Variants in MRC1 observed in about 807,000 individuals in gnomAD.
The protein encoded by MRC1 is macrophage mannose receptor 1.
A neutral mutation model predicts 102.9 loss-of-function variants in MRC1; 62 were observed. The observed-to-expected ratio is 0.60, with a 90% CI of 0.49 to 0.74. MRC1 has a LOEUF of 0.74. Ranked by LOEUF, MRC1 falls within the 30% of genes least tolerant of loss-of-function variation. The pLI is 0.00. For missense variants in MRC1, 1,237 were observed against 862.8 expected (o/e 1.43, Z -5.43); for synonymous variants, 457 against 298.4 (o/e 1.53, Z -5.48).
intron 2 of MRC1, among the ~76,000 whole-genome samples, chr10:17,825,978 G>C (rs1004920649): frequency 6.6e-6 from 1 of 151,988 alleles, no homozygotes; most frequent in Non-Finnish European, 1.5e-5. Context: ...AGCTGGAATC[G>C]CATTTTAAAG....
intron 22 of MRC1, among the ~76,000 whole-genome samples, chr10:17,888,266 G>T (rs953710694): frequency 6.6e-6 from 1 of 152,176 alleles, no homozygotes; most frequent in African/African-American, 2.4e-5. Context: ...ATAATGGGGG[G>T]TAAAAATAGT....
At chr10:17,876,545 G>C (rs1332582318) in intron 17 of MRC1, among the ~76,000 whole-genome samples, 3 of 152,158 alleles carry the variant, frequency 2.0e-5, no homozygotes, top group Non-Finnish European at 4.4e-5. Flanking sequence ...ACTGTGCCCA[G>C]TCTCAGAACC....
rs551080316 is a variant in MRC1, at chr10:17,909,486, A to G, written c.4120+139A>G. 1.3e-4 allele frequency: 84 copies of G among 667,178 alleles called. No homozygotes were observed. In the African/African-American group the frequency reaches 1.4e-3, roughly 11 times the overall value. The allele number at this position is 667,178 out of a possible 1,614,324, so 41.3% of individuals were successfully genotyped here. A position where few individuals can be genotyped will look rare whatever the true frequency, so the allele number is the denominator to read the frequency against. ...TTAAGCTAAACTATCCTTTGTCATCAGCCTACTTTGAATAATACTTTAGAA... is the reference window on the plus strand; with the variant it reads ...TTAAGCTAAACTATCCTTTGTCATCGGCCTACTTTGAATAATACTTTAGAA... On this transcript the variant is annotated intron_variant, in intron 29 of 29. Coordinates refer to ENST00000569591, the MANE Select transcript of MRC1 (RefSeq NM_002438.4).
In MRC1 at chr10:17,899,108, CAA is replaced by C. The variant is rs1303232562; in HGVS notation, c.3483+852_3483+853del. Among the ~76,000 whole-genome samples the C allele has an allele frequency of 5.7e-5, 8 of 141,562 alleles. No individual in the cohort carries two copies. In the South Asian group the frequency reaches 1.3e-3, roughly 24 times the overall value. 92.9% of individuals were successfully genotyped at this position (141,562 alleles called of 152,430 possible). ...ACATAAGGAAGGAATATCAAGAAGA[CAA>C]AAAAAAAAAGGAGATAAACTGGAGA... On this transcript the variant is annotated intron_variant, in intron 24 of 29. Coordinates refer to ENST00000569591, the MANE Select transcript of MRC1 (RefSeq NM_002438.4).
At chr10:17,892,450 C>G (rs1564625108) in intron 22 of MRC1, among the ~76,000 whole-genome samples, 1 of 152,134 alleles carries the variant, frequency 6.6e-6, no homozygotes, top group South Asian at 2.1e-4. Context: ...TCCATCAGTC[C>G]GTTTCTCCAA....
intron 22 of MRC1, among the ~76,000 whole-genome samples, chr10:17,889,236 A>G (rs962406462): frequency 1.3e-5 from 2 of 152,200 alleles, no homozygotes; most frequent in Non-Finnish European, 2.9e-5. Flanking sequence ...ATTAACATTT[A>G]AAATGATTGT....
chr10:17,870,626 C>T (rs1040366869), intron 13 of MRC1, among the ~76,000 whole-genome samples: 8,479 of 152,120 alleles, frequency 0.056, 331 homozygotes, highest in Non-Finnish European at 0.075. Context: ...CAATACGATA[C>T]CATTATTTAC....
intron 28 of MRC1, among the ~76,000 whole-genome samples, chr10:17,909,002 C>T (rs1833933315): frequency 1.3e-5 from 2 of 152,180 alleles, no homozygotes. Context: ...GTATCAGTGG[C>T]TCAAATGTAA....
At chr10:17,852,921 G>T (rs986749624) in intron 7 of MRC1, 46 bp from the exon 8 acceptor site, 5 of 780,624 alleles carry the variant, frequency 6.4e-6, no homozygotes, top group Admixed American at 1.7e-5. Context: ...CCCGACCTTT[G>T]GAAAGCAACC....
intron 29 of MRC1, 105 bp from the exon 30 acceptor site, chr10:17,910,110 G>C: frequency 1.3e-6 from 1 of 760,154 alleles, no homozygotes; most frequent in South Asian, 1.4e-5. Flanking sequence ...AATGTCGCTT[G>C]AAAGAATATT....
At chr10:17,864,034 A>T (rs1833225829) in intron 11 of MRC1, among the ~76,000 whole-genome samples, 2 of 151,458 alleles carry the variant, frequency 1.3e-5, no homozygotes, top group African/African-American at 4.9e-5. Context: ...ACAGAGCCTC[A>T]CTCGGTTGCC....
chr10:17,857,438 ATC>A (rs1272168178), intron 9 of MRC1, among the ~76,000 whole-genome samples: 6 of 152,188 alleles, frequency 3.9e-5, no homozygotes. Context: ...CTTTTAATCA[ATC>A]TGTTTTATTT....
At chr10:17,852,020 G>A (rs1020445470) in intron 7 of MRC1, among the ~76,000 whole-genome samples, 13 of 152,146 alleles carry the variant, frequency 8.5e-5, no homozygotes, top group Non-Finnish European at 1.5e-4. Context: ...CATTCATGAT[G>A]GGACTCCCAG....
chr10:17,901,001 A>G lies in MRC1; in HGVS notation c.3649+48A>G, dbSNP rs1308436846. On this transcript the variant is annotated intron_variant, in intron 25 of 29. Transcript: ENST00000569591. ...TCAGGGGATCTGAAAATTTCTGAAT[A>G]AGCTACTACATACCACTGTTGATAT... 4 of 766,176 alleles carry G rather than the reference A, an allele frequency of 5.2e-6. No individual in the cohort carries two copies. The Admixed American group carries it at 6.9e-5, about 13-fold the overall frequency. The allele number at this position is 766,176 out of a possible 1,614,324, so 47.5% of individuals were successfully genotyped here.
intron 12 of MRC1, 22 bp downstream of exon 12, chr10:17,866,783 G>T (rs1050171833): frequency 5.1e-6 from 4 of 780,684 alleles, no homozygotes; most frequent in Middle Eastern, 2.3e-4. Flanking sequence ...TTATAAAGCT[G>T]GTAAGAGAAT....
intron 26 of MRC1, among the ~76,000 whole-genome samples, chr10:17,905,971 A>T (rs965771868): frequency 6.6e-6 from 1 of 152,212 alleles, no homozygotes; most frequent in South Asian, 2.1e-4. Flanking sequence ...AAAAGATATT[A>T]GTTATTATTA....
In MRC1 at chr10:17,827,552, G is replaced by A. The variant is rs572161669; in HGVS notation, c.474G>A (p.Thr158=). Residue 158 remains threonine, a synonymous_variant, in exon 3 of 30, where the codon ACG becomes ACA. Coordinates refer to ENST00000569591, the MANE Select transcript of MRC1 (RefSeq NM_002438.4). ...AATATGTTTTTCCAGCCATGTATAC[G>A]CTACTAGGCAATGCCAATGGAGCAA... The part of the protein sequence containing the change: ...LCSRGYEAMY[T]LLGNANGATC... 6.9e-5 allele frequency: 54 copies of A among 780,688 alleles called. No individual in the cohort carries two copies. Among genetic ancestry groups the A allele is most frequent in the Middle Eastern group, 2.3e-4 (1 of 4,434 alleles). The allele number at this position is 780,688 out of a possible 1,614,324, so 48.4% of individuals were successfully genotyped here.
chr10:17,907,320 G>A (rs1564627857), intron 27 of MRC1, among the ~76,000 whole-genome samples: 1 of 152,160 alleles, frequency 6.6e-6, no homozygotes, highest in East Asian at 1.9e-4. Flanking sequence ...TTAGAAATAC[G>A]GTTTTAACTA....
intron 1 of MRC1, among the ~76,000 whole-genome samples, chr10:17,810,867 A>T (rs1439180736): frequency 6.6e-6 from 1 of 152,246 alleles, no homozygotes; most frequent in African/African-American, 2.4e-5. Context: ...ATCTTGGCTC[A>T]CTGCAACCTC....
Sources: allele counts gnomAD v4.1 joint callset (sites outside exome capture counted in the v4.1 genomes callset), GRCh38; gene constraint gnomAD v4.1.1; transcripts MANE v1.5; gene names NCBI Gene and HGNC (gene_info 2026-07-23, HGNC 2026-07-21).